Variants in TMEM74 observed in about 807,000 individuals in gnomAD.
TMEM74 encodes the protein transmembrane protein 74.
Under a neutral mutation model 18.1 loss-of-function variants are expected in TMEM74, and 13 were observed. The ratio of observed to expected loss-of-function variants is 0.72; its 90% CI spans 0.47 to 1.14. TMEM74 has a LOEUF of 1.14. TMEM74 is among the 50% of genes most tolerant of loss of function. The pLI, the probability that TMEM74 is intolerant of heterozygous loss-of-function variation, is 0.00. For synonymous variants in TMEM74, 159 were observed against 146.6 expected, an observed-to-expected ratio of 1.08 and a Z score of -0.61; for missense variants, 372 against 375.9, an observed-to-expected ratio of 0.99 and a Z score of 0.09.
At chr8:108,628,033 G>C (rs1198779047) in intron 2 of TMEM74, among the ~76,000 whole-genome samples, 9 of 151,966 alleles carry the variant, frequency 5.9e-5, no homozygotes, top group African/African-American at 2.2e-4. Context: ...ATTCCAGCCT[G>C]GGTAACAGAC....
At chr8:108,739,495 T>G (rs1306377240) in intron 1 of TMEM74, among the ~76,000 whole-genome samples, 1 of 152,224 alleles carries the variant, frequency 6.6e-6, no homozygotes, top group Non-Finnish European at 1.5e-5. Context: ...GTTACTCTCA[T>G]CAGGCCATTT....
chr8:108,644,709 T>A (rs1812699928), intron 2 of TMEM74, among the ~76,000 whole-genome samples: 1 of 152,124 alleles, frequency 6.6e-6, no homozygotes, highest in Non-Finnish European at 1.5e-5. Context: ...CAGACACTTT[T>A]CAAAAGAAGA....
At chr8:108,652,925 G>T in intron 2 of TMEM74, 1 of 358,420 alleles carries the variant, frequency 2.8e-6, no homozygotes. Flanking sequence ...GAAGAGCGAA[G>T]ATGAATTTTC....
chr8:108,683,042 G>T (rs559129908), intron 1 of TMEM74, among the ~76,000 whole-genome samples: 1 of 151,816 alleles, frequency 6.6e-6, no homozygotes, highest in Admixed American at 6.6e-5. Context: ...AAAATAACTT[G>T]CCAAAAATAA....
chr8:108,757,940 C>T (rs2130658875), intron 1 of TMEM74, among the ~76,000 whole-genome samples: 1 of 152,046 alleles, frequency 6.6e-6, no homozygotes, highest in Non-Finnish European at 1.5e-5. Flanking sequence ...GCTTTTTCTC[C>T]TGTGCTATCA....
chr8:108,657,202 T>A (rs1347748106), intron 1 of TMEM74, among the ~76,000 whole-genome samples: 1 of 152,054 alleles, frequency 6.6e-6, no homozygotes, highest in Non-Finnish European at 1.5e-5. Context: ...AAGATTCTAA[T>A]CCTAAGCCAT....
chr8:108,755,726 A>G (rs1200685994), intron 1 of TMEM74, among the ~76,000 whole-genome samples: 1 of 152,112 alleles, frequency 6.6e-6, no homozygotes, highest in Non-Finnish European at 1.5e-5. Flanking sequence ...CTAAATGTCA[A>G]ATACATCTGT....
chr8:108,749,506 C>T (rs1224316278), intron 1 of TMEM74, among the ~76,000 whole-genome samples: 1 of 152,100 alleles, frequency 6.6e-6, no homozygotes, highest in Non-Finnish European at 1.5e-5. Flanking sequence ...ATTTTATATC[C>T]TGAGACTTTG....
chr8:108,722,815 T>A (rs1219316677), intron 1 of TMEM74, among the ~76,000 whole-genome samples: 2 of 152,212 alleles, frequency 1.3e-5, no homozygotes, highest in Admixed American at 6.5e-5. Context: ...ACTAAAATCA[T>A]TCATCTTCAT....
intron 2 of TMEM74, among the ~76,000 whole-genome samples, chr8:108,618,584 T>C (rs371030449): frequency 2.0e-5 from 3 of 152,170 alleles, no homozygotes; most frequent in East Asian, 3.9e-4. Flanking sequence ...CCGTAAAGGT[T>C]TGGTTCTGTG....
Position 108,784,024 on chromosome 8 carries a change from T to G in TMEM74, c.*157A>C, listed in dbSNP as rs1224895167. 3 of 605,428 alleles carry G rather than the reference T, an allele frequency of 5.0e-6. No individual in the cohort carries two copies. The East Asian group carries it at 8.9e-5, about 18-fold the overall frequency. 37.5% of individuals were successfully genotyped at this position (605,428 alleles called of 1,614,324 possible). On this transcript the variant is annotated 3_prime_UTR_variant, in exon 2 of 2. Coordinates refer to ENST00000297459, the MANE Select transcript of TMEM74 (RefSeq NM_153015.3). The stretch of plus-strand genomic sequence containing the variant: ...CATCTTACATGGCTTTTCTTCTAAA[T>G]AGAAGACACATAGAGAACAAAAACA...
At chr8:108,710,099 G>T (rs182803709) in intron 1 of TMEM74, among the ~76,000 whole-genome samples, 153 of 152,342 alleles carry the variant, frequency 1.0e-3, no homozygotes, top group Middle Eastern at 6.8e-3. Context: ...TTACTGAGAA[G>T]AGTTAATGAG....
intron 2 of TMEM74, among the ~76,000 whole-genome samples, chr8:108,631,080 A>C (rs993118993): frequency 6.6e-6 from 1 of 152,144 alleles, no homozygotes; most frequent in Non-Finnish European, 1.5e-5. Context: ...AAGAAAAGCC[A>C]CTTGGACATG....
At position 108,782,412 on chromosome 8, in the gene TMEM74, ATG is replaced by A. The variant is rs1814318454; in HGVS notation, c.*1767_*1768del. ...AATTAACTACATCTAGCTTCCTCTG[ATG>A]GCCATATAATTTCTCATTTTTACTT... On this transcript the variant is annotated 3_prime_UTR_variant, in exon 2 of 2. Transcript: ENST00000297459. Among the ~76,000 whole-genome samples the A allele has an allele frequency of 6.6e-6, 1 of 152,160 alleles. No homozygotes were observed. The highest frequency in any genetic ancestry group is 1.5e-5 in the Non-Finnish European group (1 of 68,018).
At chr8:108,692,210 T>C (rs1813239067) in intron 1 of TMEM74, among the ~76,000 whole-genome samples, 1 of 152,212 alleles carries the variant, frequency 6.6e-6, no homozygotes, top group African/African-American at 2.4e-5. Flanking sequence ...TGCTGCCCAG[T>C]CTGACTTCTG....
In TMEM74 at chr8:108,684,392, A is replaced by G. The variant is rs906433497; in HGVS notation, n.120-28955T>C. On this transcript the variant is annotated intron_variant and non_coding_transcript_variant, in intron 1 of 3. Coordinates refer to the TMEM74 transcript ENST00000518838. ...TTTTTTCATGGATTTGAACCCATTT[A>G]TATGTCTTCTTTTGAGAAATATCTC... Among the ~76,000 whole-genome samples, 4 of 151,420 alleles carry G rather than the reference A, an allele frequency of 2.6e-5. No individual in the cohort carries two copies. In the East Asian group the frequency reaches 5.8e-4, roughly 22 times the overall value.
chr8:108,618,564 T>C (rs1586235619), intron 2 of TMEM74, among the ~76,000 whole-genome samples: 1 of 152,206 alleles, frequency 6.6e-6, no homozygotes, highest in African/African-American at 2.4e-5. Flanking sequence ...ATCAGTACAC[T>C]GGAGTACTTC....
intron 2 of TMEM74, among the ~76,000 whole-genome samples, chr8:108,612,560 A>T (rs1168596731): frequency 6.6e-6 from 1 of 152,206 alleles, no homozygotes; most frequent in African/African-American, 2.4e-5. Context: ...ACAAGATCAG[A>T]GCTTTAACAG....
chr8:108,677,398 A>C (rs1387845518), intron 1 of TMEM74, among the ~76,000 whole-genome samples: 1 of 152,230 alleles, frequency 6.6e-6, no homozygotes, highest in African/African-American at 2.4e-5. Context: ...ACATTAACAT[A>C]TAAAATGTAT....
Sources: allele counts gnomAD v4.1 joint callset (sites outside exome capture counted in the v4.1 genomes callset), GRCh38; gene constraint gnomAD v4.1.1; transcripts MANE v1.5; gene names NCBI Gene and HGNC (gene_info 2026-07-23, HGNC 2026-07-21).